HS3ST5: variants seen among roughly 807,000 people sequenced by gnomAD.
HS3ST5 encodes the protein heparan sulfate glucosamine 3-O-sulfotransferase 5.
HS3ST5 carries 10 observed loss-of-function variants against 25.4 expected under a neutral mutation model. The ratio of observed to expected loss-of-function variants is 0.39; its 90% CI spans 0.24 to 0.67. HS3ST5 has a LOEUF of 0.67. Among genes scored for constraint, HS3ST5 ranks in the 30% least tolerant of loss-of-function variants. The pLI, the probability that HS3ST5 is intolerant of heterozygous loss-of-function variation, is 0.44. For synonymous variants in HS3ST5, 170 were observed against 162.4 expected (o/e 1.05, Z -0.36); for missense variants, 324 against 420.7 (o/e 0.77, Z 2.01).
chr6:114,302,439 A>G (rs1469710301), intron 1 of HS3ST5, among the ~76,000 whole-genome samples: 1 of 152,190 alleles, frequency 6.6e-6, no homozygotes, highest in Non-Finnish European at 1.5e-5. Flanking sequence ...ATCCAAGCAC[A>G]TATGCAAAAT....
chr6:114,161,014 G>A (rs1384585799), intron 3 of HS3ST5, among the ~76,000 whole-genome samples: 1 of 152,086 alleles, frequency 6.6e-6, no homozygotes, highest in African/African-American at 2.4e-5. Context: ...GGGTGGGTAG[G>A]CAATATTTTT....
At chr6:114,229,553 G>A (rs1480387621) in intron 1 of HS3ST5, among the ~76,000 whole-genome samples, 1 of 152,124 alleles carries the variant, frequency 6.6e-6, no homozygotes, top group East Asian at 1.9e-4. Context: ...ACCGCGCCCA[G>A]CTCTCTTCTT....
At chr6:114,200,503 A>G (rs931498534) in intron 2 of HS3ST5, among the ~76,000 whole-genome samples, 1 of 152,212 alleles carries the variant, frequency 6.6e-6, no homozygotes, top group African/African-American at 2.4e-5. Flanking sequence ...GGTTTAATGC[A>G]TATTCAATAA....
chr6:114,340,190 A>G (rs1776769104), intron 1 of HS3ST5, among the ~76,000 whole-genome samples: 1 of 152,194 alleles, frequency 6.6e-6, no homozygotes, highest in South Asian at 2.1e-4. Context: ...TGTCAAAGGG[A>G]GCAACTTCAA....
chr6:114,194,814 T>C (rs1780664191), intron 2 of HS3ST5, among the ~76,000 whole-genome samples: 1 of 152,228 alleles, frequency 6.6e-6, no homozygotes, highest in Admixed American at 6.5e-5. Context: ...CTATAGTTTA[T>C]TGAATATGTA....
intron 2 of HS3ST5, among the ~76,000 whole-genome samples, chr6:114,211,708 A>G (rs1781516349): frequency 6.6e-6 from 1 of 152,228 alleles, no homozygotes. Context: ...AATTACACAG[A>G]AGGACCAGAA....
chr6:114,132,581 A>G, intron 3 of HS3ST5, among the ~76,000 whole-genome samples: 1 of 152,224 alleles, frequency 6.6e-6, no homozygotes, highest in East Asian at 1.9e-4. Context: ...GAGCAACAGC[A>G]AACAGAACAG....
intron 1 of HS3ST5, among the ~76,000 whole-genome samples, chr6:114,333,110 A>G (rs1294416382): frequency 2.6e-5 from 4 of 152,202 alleles, no homozygotes; most frequent in African/African-American, 9.6e-5. Context: ...TCCAAGGCTT[A>G]TTAGGAGGCT....
At chr6:114,068,578 C>T (rs1025069134) in intron 3 of HS3ST5, among the ~76,000 whole-genome samples, 12 of 152,182 alleles carry the variant, frequency 7.9e-5, no homozygotes, top group East Asian at 7.7e-4. Flanking sequence ...TTGATCCTTA[C>T]GGACAATGCT....
chr6:114,287,914 T>C (rs923415072), intron 1 of HS3ST5, among the ~76,000 whole-genome samples: 1 of 152,088 alleles, frequency 6.6e-6, no homozygotes, highest in Non-Finnish European at 1.5e-5. Context: ...GCATCTTATC[T>C]TCTACCACCT....
At chr6:114,215,066 G>A (rs2114456072) in intron 2 of HS3ST5, among the ~76,000 whole-genome samples, 1 of 152,300 alleles carries the variant, frequency 6.6e-6, no homozygotes, top group East Asian at 1.9e-4. Context: ...AGCAGTTTGG[G>A]AGGCCGAGGC....
intron 3 of HS3ST5, among the ~76,000 whole-genome samples, chr6:114,146,996 C>T (rs1226132721): frequency 6.6e-6 from 1 of 152,192 alleles, no homozygotes; most frequent in African/African-American, 2.4e-5. Context: ...AGGCTTTCAT[C>T]ACTGGTATGG....
chr6:114,129,916 ATG>A (rs1222068980), intron 3 of HS3ST5, among the ~76,000 whole-genome samples: 3 of 152,212 alleles, frequency 2.0e-5, no homozygotes, highest in Admixed American at 6.5e-5. Context: ...GTTTTAAAGA[ATG>A]TGATATTTTG....
intron 1 of HS3ST5, among the ~76,000 whole-genome samples, chr6:114,293,819 G>T (rs1197092360): frequency 2.0e-5 from 3 of 152,158 alleles, no homozygotes; most frequent in Non-Finnish European, 4.4e-5. Flanking sequence ...AAAGAAGAAA[G>T]AGCCTCAAAC....
intron 2 of HS3ST5, among the ~76,000 whole-genome samples, chr6:114,175,443 A>G (rs1779681270): frequency 6.6e-6 from 1 of 152,240 alleles, no homozygotes; most frequent in Non-Finnish European, 1.5e-5. Flanking sequence ...TTTGCATCCA[A>G]AATTCAAATA....
At chr6:114,314,098 T>G (rs1775653957) in intron 1 of HS3ST5, among the ~76,000 whole-genome samples, 1 of 152,160 alleles carries the variant, frequency 6.6e-6, no homozygotes, top group Non-Finnish European at 1.5e-5. Flanking sequence ...GCTAATATTT[T>G]GTATTTCTTT....
chr6:114,086,145 T>G (rs951202609), intron 3 of HS3ST5, among the ~76,000 whole-genome samples: 6 of 152,214 alleles, frequency 3.9e-5, no homozygotes, highest in African/African-American at 1.4e-4. Context: ...AACCTTTGTC[T>G]TGGTGTTACT....
chr6:114,280,035 G>A (rs141182786), intron 1 of HS3ST5, among the ~76,000 whole-genome samples: 1 of 152,018 alleles, frequency 6.6e-6, no homozygotes, highest in African/African-American at 2.4e-5. Flanking sequence ...AAAGGATACA[G>A]GAAGGGAGGC....
At chr6:114,126,907 G>T (rs1047981185) in intron 3 of HS3ST5, among the ~76,000 whole-genome samples, 1 of 152,148 alleles carries the variant, frequency 6.6e-6, no homozygotes, top group Admixed American at 6.5e-5. Flanking sequence ...TCAAATGATG[G>T]TTTTACCACT....
Sources: allele counts gnomAD v4.1 joint callset (sites outside exome capture counted in the v4.1 genomes callset), GRCh38; gene constraint gnomAD v4.1.1; transcripts MANE v1.5; gene names NCBI Gene and HGNC (gene_info 2026-07-23, HGNC 2026-07-21).